GRID2IP: variants seen among roughly 807,000 people sequenced by gnomAD.
GRID2IP encodes delphilin.
A neutral mutation model predicts 114.3 loss-of-function variants in GRID2IP; 78 were observed. That is an observed-to-expected ratio of 0.68 (90% CI 0.57 to 0.82). The LOEUF is 0.82. GRID2IP is among the 40% of genes least tolerant of loss of function. The pLI, the probability that GRID2IP is intolerant of heterozygous loss-of-function variation, is 0.00. For synonymous variants in GRID2IP, 809 were observed against 724.0 expected, an observed-to-expected ratio of 1.12 and a Z score of -1.89; for missense variants, 1,727 against 1,678.5, an observed-to-expected ratio of 1.03 and a Z score of -0.51.
At chr7:6,517,796 A>C (rs953514331) in intron 7 of GRID2IP, among the ~76,000 whole-genome samples, 1 of 151,856 alleles carries the variant, frequency 6.6e-6, no homozygotes, top group African/African-American at 2.4e-5. Flanking sequence ...CCAGCTACTC[A>C]GGAGGCTGAG....
Position 6,497,743 on chromosome 7 carries a change from T to A in GRID2IP, c.*31A>T, listed in dbSNP as rs1427681080. On this transcript the variant is annotated 3_prime_UTR_variant, in exon 22 of 22. Coordinates refer to ENST00000457091, the MANE Select transcript of GRID2IP (RefSeq NM_001145118.2). ...GCCCTCTCGGCCTCCATCTCCCTGCTCAGGCCGCAGAGGACGCGGTGTGGC... is the reference window on the plus strand; with the variant it reads ...GCCCTCTCGGCCTCCATCTCCCTGCACAGGCCGCAGAGGACGCGGTGTGGC... 6.6e-7 allele frequency: 1 copy of A among 1,523,830 alleles called. No individual in the cohort carries two copies. The highest frequency in any genetic ancestry group is 8.9e-7 in the Non-Finnish European group (1 of 1,125,790). The allele number at this position is 1,523,830 out of a possible 1,614,324, so 94.4% of individuals were successfully genotyped here.
At chr7:6,550,597 G>A (rs983813499) in intron 1 of GRID2IP, among the ~76,000 whole-genome samples, 1 of 149,828 alleles carries the variant, frequency 6.7e-6, no homozygotes, top group Non-Finnish European at 1.5e-5. Context: ...GATCACTTGA[G>A]GTCAGGAGTT....
In GRID2IP at chr7:6,532,437, G is replaced by A. The variant is rs1051021662; in HGVS notation, c.585-5668C>T. Among the ~76,000 whole-genome samples, 2 of 152,166 alleles carry A rather than the reference G, an allele frequency of 1.3e-5. No individual in the cohort carries two copies. The highest frequency in any genetic ancestry group is 1.9e-4 in the East Asian group (1 of 5,200). ...CAGCACAGGGAGGACCCTCTGGTCC[G>A]ATCATCGGTCTCTGGTACTGTCCAC... On this transcript the variant is annotated intron_variant, in intron 2 of 21. Coordinates refer to ENST00000457091, the MANE Select transcript of GRID2IP (RefSeq NM_001145118.2). This position sits in a 1 kb window ranked among gnomAD's most constrained non-coding sequence, Gnocchi z 4.4.
intron 1 of GRID2IP, among the ~76,000 whole-genome samples, chr7:6,541,732 G>A (rs1779818017): frequency 6.6e-6 from 1 of 152,226 alleles, no homozygotes; most frequent in Non-Finnish European, 1.5e-5. Flanking sequence ...TGTTGGAAAT[G>A]AGCATGCAAA....
At position 6,526,212 on chromosome 7, in the gene GRID2IP, C is replaced by G; in HGVS notation, c.919+12G>C. 6.4e-7 allele frequency: 1 copy of G among 1,550,810 alleles called. No individual in the cohort carries two copies. Among genetic ancestry groups the G allele is most frequent in the Non-Finnish European group, 8.7e-7 (1 of 1,146,250 alleles). On this transcript the variant is annotated intron_variant, in intron 4 of 21. Transcript: ENST00000457091. This position sits in a 1 kb window ranked among gnomAD's most constrained non-coding sequence, Gnocchi z 7.6. ...CCTTAGGGACTCTTAGGGCAACCGGCCCACCCCTCACCAGGCAGGACAGAC... is the reference window on the plus strand; with the variant it reads ...CCTTAGGGACTCTTAGGGCAACCGGGCCACCCCTCACCAGGCAGGACAGAC...
At chr7:6,512,137 C>CA (rs1280399121) in intron 8 of GRID2IP, among the ~76,000 whole-genome samples, 10 of 148,958 alleles carry the variant, frequency 6.7e-5, no homozygotes, top group Non-Finnish European at 1.3e-4. Context: ...GGCTGGTCTT[C>CA]AACTCCTAAC....
chr7:6,538,187 C>T (rs147742402), intron 2 of GRID2IP, among the ~76,000 whole-genome samples: 1,629 of 151,768 alleles, frequency 0.011, 17 homozygotes, highest in Middle Eastern at 0.017. Flanking sequence ...GACAACATGG[C>T]GAAACCTCAT....
chr7:6,513,692 C>T (rs987697015), intron 8 of GRID2IP, among the ~76,000 whole-genome samples: 4 of 152,260 alleles, frequency 2.6e-5, no homozygotes, highest in South Asian at 2.1e-4. Context: ...AAGGCGCGTC[C>T]GTGGGGCCAC....
rs1452585345 is a variant in GRID2IP at position 6,506,582 on chromosome 7, C to T, written c.2545-675G>A. ...CCTTTGGTAACCAATGGAAGAACCACGCTGTGGAGCAATACTTGAAGATCG... is the reference window on the plus strand; with the variant it reads ...CCTTTGGTAACCAATGGAAGAACCATGCTGTGGAGCAATACTTGAAGATCG... On this transcript the variant is annotated intron_variant, in intron 13 of 21. Coordinates refer to ENST00000457091, the MANE Select transcript of GRID2IP (RefSeq NM_001145118.2). This position sits in a 1 kb window ranked among gnomAD's most constrained non-coding sequence, Gnocchi z 5.2. 9.9e-5 allele frequency among the ~76,000 whole-genome samples: 15 copies of T among 152,162 alleles called. No individual in the cohort carries two copies. Among genetic ancestry groups the T allele is most frequent in the Non-Finnish European group, 2.1e-4 (14 of 68,016 alleles).
Position 6,526,145 on chromosome 7 carries a change from G to T in GRID2IP, c.919+79C>A. 5 of 1,127,414 alleles carry T rather than the reference G, an allele frequency of 4.4e-6. No individual in the cohort carries two copies. The highest frequency in any genetic ancestry group is 4.0e-5 in the South Asian group (3 of 75,470). The allele number at this position is 1,127,414 out of a possible 1,614,324, so 69.8% of individuals were successfully genotyped here. ...AGCAGGAGCCTACATGGGGTACAAT[G>T]ACCCGGCAGAGCCACCACGGGGCCC... is the stretch of plus-strand genomic sequence containing the variant. On this transcript the variant is annotated intron_variant, in intron 4 of 21. Transcript: ENST00000457091. The surrounding 1 kb of genome is among the most constrained non-coding windows in gnomAD (Gnocchi z 7.6).
chr7:6,507,193 C>G lies in GRID2IP; in HGVS notation c.2544+792G>C, dbSNP rs1336239287. 6.6e-6 allele frequency among the ~76,000 whole-genome samples: 1 copy of G among 152,158 alleles called. No individual in the cohort carries two copies. ...TCATGAGCACTGGGACGGGGCAGCC[C>G]TGGGAGCTGGAAGGAGCCCCTGCCA... On this transcript the variant is annotated intron_variant, in intron 13 of 21. Transcript: ENST00000457091. This position sits in a 1 kb window ranked among gnomAD's most constrained non-coding sequence, Gnocchi z 5.3.
intron 4 of GRID2IP, among the ~76,000 whole-genome samples, chr7:6,522,228 GGA>G (rs1335223778): frequency 2.0e-5 from 3 of 152,142 alleles, no homozygotes; most frequent in Admixed American, 6.6e-5. Context: ...GGGTGGCAGA[GGA>G]GAGTCAAATC....
Position 6,526,942 on chromosome 7 carries a change from C to G in GRID2IP, c.585-173G>C, listed in dbSNP as rs538539871. Among the ~76,000 whole-genome samples, 1 of 152,324 alleles carries G rather than the reference C, an allele frequency of 6.6e-6. No individual in the cohort carries two copies. The highest frequency in any genetic ancestry group is 2.1e-4 in the South Asian group (1 of 4,828). On this transcript the variant is annotated intron_variant, in intron 2 of 21. Coordinates refer to ENST00000457091, the MANE Select transcript of GRID2IP (RefSeq NM_001145118.2). This position sits in a 1 kb window ranked among gnomAD's most constrained non-coding sequence, Gnocchi z 7.6. ...CAGCCGGTAGCACCCCAGTCTCCCC[C>G]TCGCTGCTCGGATTTGCGCCCCCAG...
In GRID2IP at chr7:6,530,028, C is replaced by T. The variant is rs575842942; in HGVS notation, c.585-3259G>A. ...GGCTGGAGTGCAGTGGTGCGATCTC[C>T]GCTCACTGCAAGCTCCGCCTCCAGG... On this transcript the variant is annotated intron_variant, in intron 2 of 21. Transcript: ENST00000457091. Among the ~76,000 whole-genome samples, 5 of 151,524 alleles carry T rather than the reference C, an allele frequency of 3.3e-5. 1 individual carries two copies. In the East Asian group the frequency reaches 7.8e-4, roughly 24 times the overall value.
In GRID2IP at chr7:6,532,144, C is replaced by T. The variant is rs368622707; in HGVS notation, c.585-5375G>A. Among the ~76,000 whole-genome samples the T allele has an allele frequency of 3.3e-5, 5 of 152,226 alleles. No homozygotes were observed. In the East Asian group the frequency reaches 5.8e-4, roughly 18 times the overall value. The stretch of plus-strand genomic sequence containing the variant: ...GAACAGCAGCAGGAGGGGACCCCAG[C>T]GTGCCTGCTTGCGTGTCATGTCTCA... On this transcript the variant is annotated intron_variant, in intron 2 of 21. Transcript: ENST00000457091. The surrounding 1 kb of genome is among the most constrained non-coding windows in gnomAD (Gnocchi z 4.4).
Position 6,502,119 on chromosome 7 carries a change from C to T in GRID2IP, c.3151-1G>A. 1 of 1,551,294 alleles carries T rather than the reference C, an allele frequency of 6.4e-7. No homozygotes were observed. On this transcript the variant is annotated splice_acceptor_variant, in intron 18 of 21. Transcript: ENST00000457091. LOFTEE classifies it high-confidence loss of function. ...CATCCACTGTCTTGGTGGAGTTCAG[C>T]TGCAAGTGACCCCCAATATACATTC... is the stretch of plus-strand genomic sequence containing the variant.
rs2115093500 is a variant in GRID2IP, at chr7:6,536,560, G to C, written c.584+3158C>G. 6.6e-6 allele frequency among the ~76,000 whole-genome samples: 1 copy of C among 152,162 alleles called. No individual in the cohort carries two copies. Among genetic ancestry groups the C allele is most frequent in the East Asian group, 2.0e-4 (1 of 5,104 alleles). On this transcript the variant is annotated intron_variant, in intron 2 of 21. Coordinates refer to ENST00000457091, the MANE Select transcript of GRID2IP (RefSeq NM_001145118.2). The surrounding 1 kb of genome is among the most constrained non-coding windows in gnomAD (Gnocchi z 5.3). ...AACAGACACCGGCAGCGCTGTGGGA[G>C]AGGAGAACCGAGAGGGCCTCCAGCC... is the stretch of plus-strand genomic sequence containing the variant.
In GRID2IP at chr7:6,522,310, C is replaced by T. The variant is rs140198946; in HGVS notation, c.920-353G>A. 3.4e-3 allele frequency among the ~76,000 whole-genome samples: 521 copies of T among 152,206 alleles called. 6 individuals carry two copies. Among genetic ancestry groups the T allele is most frequent in the Non-Finnish European group, 5.7e-3 (385 of 68,012 alleles). The stretch of plus-strand genomic sequence containing the variant: ...AGCTGCTCTAAGGATCTAAGGACCA[C>T]GGGAGTGATCCCCTAGCAGGGGTAC... On this transcript the variant is annotated intron_variant, in intron 4 of 21. Coordinates refer to ENST00000457091, the MANE Select transcript of GRID2IP (RefSeq NM_001145118.2).
intron 7 of GRID2IP, among the ~76,000 whole-genome samples, chr7:6,515,505 T>C (rs1432658833): frequency 4.6e-5 from 7 of 150,980 alleles, no homozygotes; most frequent in Non-Finnish European, 1.0e-4. Flanking sequence ...AGGCCAGGCA[T>C]GGTGGCTCAT....
Sources: allele counts gnomAD v4.1 joint callset (sites outside exome capture counted in the v4.1 genomes callset), GRCh38; gene constraint gnomAD v4.1.1; non-coding constraint Gnocchi (gnomAD v3.1); transcripts MANE v1.5; gene names NCBI Gene and HGNC (gene_info 2026-07-23, HGNC 2026-07-21).